The following NKAIN2 variants were observed in gnomAD, a reference collection of about 807,000 sequenced individuals.
NKAIN2 encodes sodium/potassium-transporting ATPase subunit beta-1-interacting protein 2.
In NKAIN2, 14 loss-of-function variants were observed where a neutral mutation model predicts 32.6. That is an observed-to-expected ratio of 0.43 (90% CI 0.28 to 0.67). The LOEUF (loss-of-function observed/expected upper bound fraction) is 0.67, where lower values mean the gene tolerates loss of function less well. Ranked by LOEUF, NKAIN2 falls within the 30% of genes least tolerant of loss-of-function variation. The pLI, the probability that NKAIN2 is intolerant of heterozygous loss-of-function variation, is 0.17. For missense variants in NKAIN2, 198 were observed against 258.3 expected (o/e 0.77, Z 1.60); for synonymous variants, 80 against 87.2 (o/e 0.92, Z 0.46).
intron 4 of NKAIN2, among the ~76,000 whole-genome samples, chr6:124,776,314 C>T (rs934195959): frequency 8.5e-5 from 13 of 152,226 alleles, no homozygotes; most frequent in East Asian, 1.9e-4. Flanking sequence ...CTGACAGTAC[C>T]ATGCTTGAGA....
intron 5 of NKAIN2, among the ~76,000 whole-genome samples, chr6:124,813,619 C>T (rs1350834557): frequency 6.6e-6 from 1 of 152,094 alleles, no homozygotes; most frequent in East Asian, 1.9e-4. Context: ...TACTCTCATC[C>T]TCAGATGTTG....
chr6:123,880,005 G>A (rs2130589), intron 1 of NKAIN2, among the ~76,000 whole-genome samples: 40,869 of 152,108 alleles, frequency 0.27, 6,059 homozygotes, highest in Non-Finnish European at 0.33. Flanking sequence ...GATGGATAGA[G>A]CAAATTCAAT....
At chr6:123,912,151 G>A (rs537420462) in intron 1 of NKAIN2, among the ~76,000 whole-genome samples, 39 of 151,662 alleles carry the variant, frequency 2.6e-4, no homozygotes, top group African/African-American at 9.4e-4. Flanking sequence ...GTGATTAAAG[G>A]GTTTTTATTA....
intron 3 of NKAIN2, among the ~76,000 whole-genome samples, chr6:124,381,623 T>C (rs1285393299): frequency 6.6e-6 from 1 of 152,186 alleles, no homozygotes; most frequent in African/African-American, 2.4e-5. Flanking sequence ...AACTTCTCTA[T>C]AACACTGAAT....
intron 3 of NKAIN2, among the ~76,000 whole-genome samples, chr6:124,448,854 C>G (rs1237487270): frequency 6.6e-6 from 1 of 152,056 alleles, no homozygotes; most frequent in African/African-American, 2.4e-5. Context: ...ATTATCAGTT[C>G]CTGTTCCTAC....
chr6:124,691,656 A>G (rs1051780880), intron 4 of NKAIN2, among the ~76,000 whole-genome samples: 8 of 152,126 alleles, frequency 5.3e-5, no homozygotes, highest in African/African-American at 1.9e-4. Context: ...TACCTCTTTA[A>G]AAGTCTACTC....
chr6:124,296,444 C>A (rs1796059401), intron 2 of NKAIN2, among the ~76,000 whole-genome samples: 1 of 151,952 alleles, frequency 6.6e-6, no homozygotes, highest in African/African-American at 2.4e-5. Flanking sequence ...TAGGTATATG[C>A]AAATAAATGT....
intron 1 of NKAIN2, among the ~76,000 whole-genome samples, chr6:123,904,594 C>T (rs1253434938): frequency 6.6e-6 from 1 of 152,160 alleles, no homozygotes; most frequent in Non-Finnish European, 1.5e-5. Flanking sequence ...GGATGTTTTT[C>T]TCCAAAAGTG....
chr6:124,263,828 CATA>C, intron 1 of NKAIN2, among the ~76,000 whole-genome samples: 1 of 152,028 alleles, frequency 6.6e-6, no homozygotes, highest in Non-Finnish European at 1.5e-5. Flanking sequence ...CTCAGATATG[CATA>C]ATATCACTTG....
intron 1 of NKAIN2, among the ~76,000 whole-genome samples, chr6:123,830,694 T>A (rs1396248582): frequency 6.6e-6 from 1 of 152,244 alleles, no homozygotes; most frequent in East Asian, 1.9e-4. Flanking sequence ...AAATAAATTC[T>A]CACATTTCTT....
intron 1 of NKAIN2, among the ~76,000 whole-genome samples, chr6:124,243,784 G>C (rs1793236554): frequency 6.6e-6 from 1 of 152,040 alleles, no homozygotes; most frequent in African/African-American, 2.4e-5. Flanking sequence ...TAATTTGACT[G>C]TCACTACTTT....
At chr6:124,470,083 G>A (rs1776913198) in intron 3 of NKAIN2, among the ~76,000 whole-genome samples, 1 of 152,114 alleles carries the variant, frequency 6.6e-6, no homozygotes. Flanking sequence ...TTAGCAAGAT[G>A]GGGGCAGGTC....
At chr6:124,757,372 T>G (rs1229138611) in intron 4 of NKAIN2, among the ~76,000 whole-genome samples, 1 of 152,146 alleles carries the variant, frequency 6.6e-6, no homozygotes, top group Non-Finnish European at 1.5e-5. Flanking sequence ...TCTCATATAT[T>G]GATACATATT....
At chr6:124,538,051 A>G (rs749606978) in intron 3 of NKAIN2, among the ~76,000 whole-genome samples, 7 of 152,046 alleles carry the variant, frequency 4.6e-5, no homozygotes, top group Non-Finnish European at 1.5e-5. Flanking sequence ...GCCTAATCCA[A>G]TTATTCATTG....
chr6:124,814,220 G>A (rs1185207535), intron 5 of NKAIN2, among the ~76,000 whole-genome samples: 1 of 152,146 alleles, frequency 6.6e-6, no homozygotes, highest in Non-Finnish European at 1.5e-5. Flanking sequence ...TCCAGTTGAT[G>A]CCTATTCTTC....
chr6:124,304,750 C>T (rs1352359192), intron 2 of NKAIN2, among the ~76,000 whole-genome samples: 1 of 151,740 alleles, frequency 6.6e-6, no homozygotes, highest in Non-Finnish European at 1.5e-5. Flanking sequence ...CCCATCTCTA[C>T]TAAAATACAA....
At chr6:124,711,523 T>C (rs1184168925) in intron 4 of NKAIN2, among the ~76,000 whole-genome samples, 2 of 151,288 alleles carry the variant, frequency 1.3e-5, no homozygotes, top group Non-Finnish European at 2.9e-5. Context: ...CATTTCTTTT[T>C]ATTCTTTTTT....
At chr6:124,656,248 A>G (rs1211370278) in intron 3 of NKAIN2, among the ~76,000 whole-genome samples, 2 of 152,232 alleles carry the variant, frequency 1.3e-5, no homozygotes, top group East Asian at 3.8e-4. Flanking sequence ...TCCAGATAAT[A>G]ACAAGTTATC....
intron 1 of NKAIN2, among the ~76,000 whole-genome samples, chr6:124,036,591 G>A (rs1280823882): frequency 6.6e-6 from 1 of 151,998 alleles, no homozygotes; most frequent in East Asian, 1.9e-4. Flanking sequence ...ACTAAACAAA[G>A]AGTTCATCAG....
Sources: allele counts gnomAD v4.1 joint callset (sites outside exome capture counted in the v4.1 genomes callset), GRCh38; gene constraint gnomAD v4.1.1; transcripts MANE v1.5; gene names NCBI Gene and HGNC (gene_info 2026-07-23, HGNC 2026-07-21).